Variants in TRPM7 observed in about 807,000 individuals in gnomAD.
TRPM7 encodes LTRPC ion channel family member 7.
TRPM7 carries 134 observed loss-of-function variants against 229.7 expected under a neutral mutation model. The observed-to-expected ratio is 0.58, with a 90% CI of 0.51 to 0.67. The LOEUF is 0.67. TRPM7 is among the 30% of genes least tolerant of loss of function. The probability of loss-of-function intolerance (pLI) is 0.00; values close to 1 mark genes in which losing one functional copy is unlikely to be tolerated. For synonymous variants in TRPM7, 699 were observed against 715.2 expected, an observed-to-expected ratio of 0.98 and a Z score of 0.36; for missense variants, 1,901 against 2,210.0, an observed-to-expected ratio of 0.86 and a Z score of 2.80.
At chr15:50,580,852 T>C in intron 30 of TRPM7, 22 bp downstream of exon 30, 1 of 1,579,168 alleles carries the variant, frequency 6.3e-7, no homozygotes, top group Non-Finnish European at 8.6e-7. Context: ...CGCAAGCTAA[T>C]GGTAAGAAAA....
intron 1 of TRPM7, among the ~76,000 whole-genome samples, chr15:50,673,320 A>G (rs12102160): frequency 0.02 from 3,085 of 152,178 alleles, 119 homozygotes; most frequent in African/African-American, 0.071. Context: ...GTTTAGTTAC[A>G]TAAGTTAGTT....
intron 3 of TRPM7, among the ~76,000 whole-genome samples, chr15:50,649,160 C>T (rs1026350408): frequency 6.6e-6 from 1 of 152,224 alleles, no homozygotes; most frequent in African/African-American, 2.4e-5. Flanking sequence ...ATAGTATTTA[C>T]ACCGGCTGTG....
At chr15:50,580,821 C>T (rs1057513645) in intron 30 of TRPM7, 53 bp downstream of exon 30, 2 of 1,513,928 alleles carry the variant, frequency 1.3e-6, no homozygotes, top group Non-Finnish European at 8.9e-7. Context: ...AAAAAGACAA[C>T]ATTCAATAAC....
At position 50,632,946 on chromosome 15, in the gene TRPM7, T is replaced by C. The variant is rs1165521047; in HGVS notation, c.1054A>G (p.Lys352Glu). 6.2e-7 allele frequency: 1 copy of C among 1,606,760 alleles called. No homozygotes were observed. Among genetic ancestry groups the C allele is most frequent in the Non-Finnish European group, 8.5e-7 (1 of 1,177,564 alleles). ...AEPDIISTIK[K>E]TFNFGQNEAL... ...TCATTCTGGCCAAAGTTAAATGTTT[T>C]TTTGATAGTGGAAATAATATCGGGC... Residue 352 changes from lysine (K) to glutamate (E), a missense_variant, in exon 9 of 39, where the codon AAA becomes GAA. Physicochemically the swap from Lys to Glu is moderately conservative, Grantham distance 56 (BLOSUM62 1). Coordinates refer to ENST00000646667, the MANE Select transcript of TRPM7 (RefSeq NM_017672.6).
intron 28 of TRPM7, 45 bp downstream of exon 28, chr15:50,586,347 A>C (rs1290041887): frequency 1.6e-6 from 2 of 1,250,988 alleles, no homozygotes; most frequent in Non-Finnish European, 2.3e-6. Context: ...TTAAAGTGTA[A>C]ATGAGTATGT....
At chr15:50,627,229 C>A (rs1271818875) in intron 11 of TRPM7, among the ~76,000 whole-genome samples, 1 of 151,808 alleles carries the variant, frequency 6.6e-6, no homozygotes, top group Non-Finnish European at 1.5e-5. Context: ...GAAAGACAAA[C>A]AATAAATAAT....
intron 30 of TRPM7, among the ~76,000 whole-genome samples, 172 bp from the exon 31 acceptor site, chr15:50,578,836 A>G (rs2054262910): frequency 6.6e-6 from 1 of 150,436 alleles, no homozygotes; most frequent in African/African-American, 2.4e-5. Context: ...CAATCCATAT[A>G]TAGATATATA....
At chr15:50,592,684 T>A in intron 25 of TRPM7, 58 bp from the exon 26 acceptor site, 14 of 1,214,012 alleles carry the variant, frequency 1.2e-5, no homozygotes, top group Non-Finnish European at 1.5e-5. Context: ...AGAATTTTAT[T>A]TTGTAGCCTC....
intron 12 of TRPM7, among the ~76,000 whole-genome samples, chr15:50,622,038 C>G (rs947307583): frequency 2.7e-5 from 4 of 149,904 alleles, no homozygotes; most frequent in Admixed American, 6.6e-5. Context: ...CTCAAAAAAA[C>G]AAAACAAAAC....
At position 50,618,427 on chromosome 15, in the gene TRPM7, A is replaced by G. The variant is rs529319155; in HGVS notation, c.1494+1318T>C. Among the ~76,000 whole-genome samples, 67 of 152,030 alleles carry G rather than the reference A, an allele frequency of 4.4e-4. No individual in the cohort carries two copies. In the East Asian group the frequency reaches 8.3e-3, roughly 19 times the overall value. ...CTACTAAAAATACAAAAAATTAGCC[A>G]GGCGTGGTGGCAGGTGCCTGTAGTC... On this transcript the variant is annotated intron_variant, in intron 13 of 38. Coordinates refer to ENST00000646667, the MANE Select transcript of TRPM7 (RefSeq NM_017672.6).
intron 1 of TRPM7, 34 bp downstream of exon 1, chr15:50,686,497 C>T (rs2062363752): frequency 6.2e-7 from 1 of 1,613,962 alleles, no homozygotes; most frequent in Non-Finnish European, 8.5e-7. Flanking sequence ...AACCCCAGAA[C>T]CATTCCCCGC....
chr15:50,611,980 G>C (rs189361652), intron 16 of TRPM7, among the ~76,000 whole-genome samples: 1 of 152,298 alleles, frequency 6.6e-6, no homozygotes, highest in Admixed American at 6.5e-5. Context: ...GTTGAATTCA[G>C]TCTATTTTCT....
chr15:50,673,058 TAGC>T, intron 1 of TRPM7, among the ~76,000 whole-genome samples: 1 of 147,072 alleles, frequency 6.8e-6, no homozygotes, highest in Non-Finnish European at 1.5e-5. Flanking sequence ...TACAGTAAGC[TAGC>T]GTTAATTTAT....
At chr15:50,679,538 A>ATATATATTTTTTTTTT (rs1400383980) in intron 1 of TRPM7, among the ~76,000 whole-genome samples, 3 of 43,904 alleles carry the variant, frequency 6.8e-5, no homozygotes, top group African/African-American at 3.2e-4. Context: ...ATATATATAT[A>ATATATATTTTTTTTTT]TTTTTTTTTT....
intron 26 of TRPM7, among the ~76,000 whole-genome samples, chr15:50,591,448 C>G (rs913938427): frequency 2.0e-5 from 3 of 151,692 alleles, no homozygotes; most frequent in African/African-American, 7.3e-5. Flanking sequence ...GCCAATATAA[C>G]TCTTATAGCC....
intron 5 of TRPM7, among the ~76,000 whole-genome samples, chr15:50,641,063 C>G (rs1236306941): frequency 6.6e-6 from 1 of 152,188 alleles, no homozygotes; most frequent in Non-Finnish European, 1.5e-5. Flanking sequence ...CATCTCATCC[C>G]TCACCCAAAT....
chr15:50,592,145 C>G lies in TRPM7; in HGVS notation c.4090G>C (p.Glu1364Gln), dbSNP rs759330059. The G allele has an allele frequency of 6.2e-7, 1 of 1,613,720 alleles. No individual in the cohort carries two copies. The highest frequency in any genetic ancestry group is 1.1e-5 in the South Asian group (1 of 91,018). Residue 1364 changes from glutamate to glutamine, a missense_variant, in exon 26 of 39, where the codon GAA becomes CAA. By Grantham distance (29) the Glu-to-Gln change is conservative (BLOSUM62 2). Transcript: ENST00000646667. ...ALFPSAVSPP[E>Q]LRQRLHGVEL... is the part of the protein sequence containing the mutation. ...ACCCCATGTAGTCTCTGTCGCAGTT[C>G]TGGAGGGGAAACAGCACTTGGGAAT...
Position 50,575,804 on chromosome 15 carries a change from G to C in TRPM7, c.4670-15C>G. Reference sequence around the variant, plus strand: ...TCTTTCCACAGCTGCATAAAAATGAGAGAGAAATAATTAAATCTGTAAAGG... The same window carrying C: ...TCTTTCCACAGCTGCATAAAAATGACAGAGAAATAATTAAATCTGTAAAGG... On this transcript the variant is annotated splice_polypyrimidine_tract_variant and intron_variant, in intron 32 of 38. Coordinates refer to ENST00000646667, the MANE Select transcript of TRPM7 (RefSeq NM_017672.6). The C allele has an allele frequency of 6.2e-7, 1 of 1,613,276 alleles. No individual in the cohort carries two copies. Among genetic ancestry groups the C allele is most frequent in the Non-Finnish European group, 8.5e-7 (1 of 1,179,652 alleles).
chr15:50,663,688 C>T (rs1235140621), intron 1 of TRPM7, among the ~76,000 whole-genome samples: 2 of 152,142 alleles, frequency 1.3e-5, no homozygotes, highest in African/African-American at 2.4e-5. Flanking sequence ...ACAACTAGCT[C>T]GGCACAGTAG....
Sources: gnomAD v4.1 joint callset for allele counts (sites outside exome capture counted in the v4.1 genomes callset) on GRCh38, gnomAD v4.1.1 for gene constraint, MANE v1.5 for transcripts, NCBI Gene and HGNC (gene_info 2026-07-23, HGNC 2026-07-21) for gene names.